The following RARB variants were observed in gnomAD, a reference collection of about 807,000 sequenced individuals.
The protein encoded by RARB is retinoic acid receptor beta.
A neutral mutation model predicts 51.9 loss-of-function variants in RARB; 17 were observed. The ratio of observed to expected loss-of-function variants is 0.33; its 90% CI spans 0.22 to 0.49. The LOEUF (loss-of-function observed/expected upper bound fraction) is 0.49. RARB is among the 20% of genes least tolerant of loss of function. The probability of loss-of-function intolerance (pLI) is 0.99; values close to 1 mark genes in which losing one functional copy is unlikely to be tolerated. For synonymous variants in RARB, 215 were observed against 195.4 expected (o/e 1.10, Z -0.84); for missense variants, 369 against 550.8 (o/e 0.67, Z 3.30).
At chr3:25,021,742 A>G (rs1323053777) in intron 2 of RARB, among the ~76,000 whole-genome samples, 2 of 152,096 alleles carry the variant, frequency 1.3e-5, no homozygotes, top group Non-Finnish European at 2.9e-5. Context: ...TATAATGTCC[A>G]AATGTTGTAC....
intron 5 of RARB, among the ~76,000 whole-genome samples, chr3:25,281,879 G>T (rs1194764454): frequency 1.3e-5 from 2 of 152,210 alleles, no homozygotes; most frequent in Non-Finnish European, 2.9e-5. Flanking sequence ...CTGTTTGGAA[G>T]GGGCAGTAGT....
chr3:25,246,719 G>A (rs953254171), intron 5 of RARB, among the ~76,000 whole-genome samples: 2 of 152,112 alleles, frequency 1.3e-5, no homozygotes, highest in African/African-American at 2.4e-5. Context: ...GTGCCTGCCA[G>A]ATGCCCACTA....
At chr3:25,425,313 T>C (rs992269851), upstream of RARB, among the ~76,000 whole-genome samples, 1 of 152,234 alleles carries the variant, frequency 6.6e-6, no homozygotes, top group Non-Finnish European at 1.5e-5. Context: ...GTATCTTTCC[T>C]TCATTTTACT....
At chr3:25,498,179 A>T (rs1418118041) in intron 2 of RARB, among the ~76,000 whole-genome samples, 1 of 152,208 alleles carries the variant, frequency 6.6e-6, no homozygotes. Context: ...TTTCCACTTT[A>T]AATAGTGTCA....
chr3:24,906,386 A>G (rs1416419211), intron 2 of RARB, among the ~76,000 whole-genome samples: 1 of 152,228 alleles, frequency 6.6e-6, no homozygotes, highest in Non-Finnish European at 1.5e-5. Context: ...TTTTTGGCTT[A>G]GGCAAAATTT....
intron 3 of RARB, among the ~76,000 whole-genome samples, chr3:25,101,369 G>A (rs2125321227): frequency 6.6e-6 from 1 of 152,244 alleles, no homozygotes; most frequent in Non-Finnish European, 1.5e-5. Context: ...TCCTTCTCTT[G>A]TTCCCATGCT....
At chr3:25,400,101 C>G (rs1208784485) in intron 5 of RARB, among the ~76,000 whole-genome samples, 1 of 152,154 alleles carries the variant, frequency 6.6e-6, no homozygotes, top group Non-Finnish European at 1.5e-5. Context: ...TTATTACTAT[C>G]ATCTGGAAGA....
chr3:25,017,072 A>T (rs1200494154), intron 2 of RARB, among the ~76,000 whole-genome samples: 1 of 152,056 alleles, frequency 6.6e-6, no homozygotes, highest in Non-Finnish European at 1.5e-5. Context: ...ATTAGGCTCT[A>T]CTTCTTGGTG....
chr3:24,946,420 G>A (rs1332092802), intron 2 of RARB, among the ~76,000 whole-genome samples: 2 of 145,094 alleles, frequency 1.4e-5, no homozygotes, highest in Non-Finnish European at 1.6e-5. Context: ...AGAAGGTGGT[G>A]GGAAGTTGGA....
intron 2 of RARB, among the ~76,000 whole-genome samples, chr3:24,898,745 C>T (rs7651471): frequency 0.11 from 17,069 of 152,148 alleles, 1,962 homozygotes; most frequent in East Asian, 0.33. Context: ...AGTAACCCCA[C>T]TATGGTAGCT....
At chr3:24,893,343 A>T (rs1703422687) in intron 2 of RARB, among the ~76,000 whole-genome samples, 1 of 152,250 alleles carries the variant, frequency 6.6e-6, no homozygotes, top group African/African-American at 2.4e-5. Flanking sequence ...GAATAAAATA[A>T]ACATTTAAAA....
chr3:25,330,291 G>A (rs1704853102), intron 5 of RARB, among the ~76,000 whole-genome samples: 2 of 152,170 alleles, frequency 1.3e-5, no homozygotes, highest in Admixed American at 1.3e-4. Flanking sequence ...ACAAAGGGAA[G>A]CCCATCAGAC....
At chr3:25,561,267 T>C (rs754099283) in intron 3 of RARB, among the ~76,000 whole-genome samples, 2 of 151,774 alleles carry the variant, frequency 1.3e-5, no homozygotes, top group Non-Finnish European at 2.9e-5. Context: ...ATTGTTTTCT[T>C]TCTTGCCTCA....
chr3:25,429,022 T>C (rs1708095054), intron 1 of RARB, 134 bp downstream of exon 1: 1 of 1,149,450 alleles, frequency 8.7e-7, no homozygotes, highest in African/African-American at 1.6e-5. Flanking sequence ...AGGGGTGTGA[T>C]ATGCTGGCAT....
intron 2 of RARB, among the ~76,000 whole-genome samples, chr3:25,046,772 ATTAG>A (rs927825597): frequency 6.6e-4 from 101 of 152,314 alleles, no homozygotes; most frequent in Middle Eastern, 3.4e-3. Context: ...GATAATTTAT[ATTAG>A]TTAGTAGATT....
chr3:25,170,359 G>A (rs1447054882), intron 4 of RARB, among the ~76,000 whole-genome samples: 1 of 152,090 alleles, frequency 6.6e-6, no homozygotes, highest in African/African-American at 2.4e-5. Context: ...GCTCTCAAAT[G>A]TTAGCTGCAT....
intron 2 of RARB, among the ~76,000 whole-genome samples, chr3:25,478,529 G>A (rs1337249266): frequency 6.6e-6 from 1 of 152,198 alleles, no homozygotes; most frequent in Non-Finnish European, 1.5e-5. Flanking sequence ...CACCCATCTT[G>A]CCCTACTTCA....
chr3:25,293,133 T>C (rs143310923), intron 5 of RARB, among the ~76,000 whole-genome samples: 1 of 152,266 alleles, frequency 6.6e-6, no homozygotes, highest in East Asian at 1.9e-4. Flanking sequence ...AGACACGTTA[T>C]GTAGAATTTT....
rs1265379078 is a variant in RARB at position 24,990,032 on chromosome 3, C to T, written c.-379-70093C>T. Reference sequence around the variant, plus strand: ...GCCAGGATGGTCTCGATCTCCTGACCTCATGATCCACCCGCCTCGGCCTCC... The same window carrying T: ...GCCAGGATGGTCTCGATCTCCTGACTTCATGATCCACCCGCCTCGGCCTCC... On this transcript the variant is annotated intron_variant, in intron 2 of 11. Coordinates refer to the RARB transcript ENST00000383772. Among the ~76,000 whole-genome samples the T allele has an allele frequency of 2.0e-5, 2 of 101,546 alleles. 1 individual carries two copies. Among genetic ancestry groups the T allele is most frequent in the Admixed American group, 2.5e-4 (2 of 8,034 alleles). The allele number at this position is 101,546 out of a possible 152,430, so 66.6% of individuals were successfully genotyped here. A position where few individuals can be genotyped will look rare whatever the true frequency, so the allele number is the denominator to read the frequency against.
Sources: allele counts gnomAD v4.1 joint callset (sites outside exome capture counted in the v4.1 genomes callset), GRCh38; gene constraint gnomAD v4.1.1; transcripts MANE v1.5; gene names NCBI Gene and HGNC (gene_info 2026-07-23, HGNC 2026-07-21).